The following MEI4 variants were observed in gnomAD, a reference collection of about 807,000 sequenced individuals.
MEI4 encodes the protein meiosis-specific protein MEI4.
In MEI4, 27 loss-of-function variants were observed where a neutral mutation model predicts 31.4. The observed-to-expected ratio is 0.86, with a 90% CI of 0.63 to 1.19. MEI4 has a LOEUF of 1.19. MEI4 is among the 50% of genes most tolerant of loss of function. MEI4 has a pLI of 0.00. For synonymous variants in MEI4, 122 were observed against 145.4 expected (o/e 0.84, Z 1.16); for missense variants, 329 against 398.9 (o/e 0.82, Z 1.49).
intron 4 of MEI4, among the ~76,000 whole-genome samples, chr6:77,887,828 T>A (rs1010258212): frequency 6.6e-6 from 1 of 152,168 alleles, no homozygotes; most frequent in Non-Finnish European, 1.5e-5. Context: ...TCTTAGTTGA[T>A]TGTCTCTCTA....
At chr6:77,682,969 T>C (rs1768984934) in intron 1 of MEI4, among the ~76,000 whole-genome samples, 1 of 152,230 alleles carries the variant, frequency 6.6e-6, no homozygotes, top group Non-Finnish European at 1.5e-5. Context: ...TCTCATTCCA[T>C]GGACGATGTT....
chr6:77,731,273 A>G (rs1250517671), intron 2 of MEI4, among the ~76,000 whole-genome samples: 2 of 147,320 alleles, frequency 1.4e-5, no homozygotes, highest in Admixed American at 6.8e-5. Context: ...ATTTCTCCAC[A>G]TCCTCTCCAG....
chr6:77,917,397 A>C (rs1048756373), intron 4 of MEI4, among the ~76,000 whole-genome samples: 7 of 150,896 alleles, frequency 4.6e-5, no homozygotes, highest in African/African-American at 1.7e-4. Context: ...ACAGTGTAAA[A>C]GTGTTCCTAT....
chr6:77,795,853 C>G, intron 3 of MEI4, among the ~76,000 whole-genome samples: 1 of 151,714 alleles, frequency 6.6e-6, no homozygotes, highest in East Asian at 1.9e-4. Context: ...AGAATTAATG[C>G]CAGTCATTTT....
intron 2 of MEI4, among the ~76,000 whole-genome samples, chr6:77,715,603 ACT>A (rs1766561938): frequency 6.6e-6 from 1 of 152,098 alleles, no homozygotes. Context: ...TAGATAATAG[ACT>A]CTGCAGAATC....
intron 3 of MEI4, among the ~76,000 whole-genome samples, chr6:77,798,256 T>A (rs1030343308): frequency 2.0e-5 from 3 of 151,144 alleles, no homozygotes; most frequent in Admixed American, 1.3e-4. Context: ...AAAAAATAAA[T>A]GAGAAAAAAT....
chr6:77,843,646 A>G (rs1459523878), intron 4 of MEI4, among the ~76,000 whole-genome samples: 1 of 152,056 alleles, frequency 6.6e-6, no homozygotes, highest in African/African-American at 2.4e-5. Flanking sequence ...CCAGGATGAT[A>G]ATCACTAAAA....
chr6:77,907,945 T>A (rs2127737527), intron 4 of MEI4, among the ~76,000 whole-genome samples: 1 of 152,240 alleles, frequency 6.6e-6, no homozygotes, highest in Admixed American at 6.5e-5. Context: ...CATAAATGTC[T>A]TCTTTTGAGA....
In MEI4 at chr6:77,750,347, C is replaced by T. The variant is rs142285374; in HGVS notation, c.233-10783C>T. On this transcript the variant is annotated intron_variant, in intron 2 of 4. Transcript: ENST00000684080. The stretch of plus-strand genomic sequence containing the variant: ...TGGCAAACTGGATAAAGAGTCAAGA[C>T]GCATTGGTGTGTTGTATTCAGGAGA... 1.7e-3 allele frequency among the ~76,000 whole-genome samples: 252 copies of T among 152,258 alleles called. 2 individuals are homozygous for T. Among genetic ancestry groups the T allele is most frequent in the African/African-American group, 4.6e-3 (193 of 41,548 alleles).
intron 4 of MEI4, among the ~76,000 whole-genome samples, chr6:77,863,395 G>A (rs959975052): frequency 5.3e-4 from 3 of 5,686 alleles, no homozygotes; most frequent in Admixed American, 2.2e-3. Flanking sequence ...TTAAAGGACC[G>A]ATGGAGCTGA....
chr6:77,686,875 C>CT (rs70974681), intron 1 of MEI4, among the ~76,000 whole-genome samples: 8 of 132,482 alleles, frequency 6.0e-5, no homozygotes, highest in South Asian at 2.5e-4. Context: ...GTCTGTGGCT[C>CT]TTTTTTTTTG....
intron 3 of MEI4, among the ~76,000 whole-genome samples, chr6:77,798,783 A>G (rs1381897789): frequency 2.0e-5 from 3 of 151,528 alleles, no homozygotes; most frequent in African/African-American, 7.3e-5. Flanking sequence ...GAGAATGATG[A>G]CTTCCAATTT....
At chr6:77,889,609 C>T (rs1476628856) in intron 4 of MEI4, among the ~76,000 whole-genome samples, 1 of 152,202 alleles carries the variant, frequency 6.6e-6, no homozygotes, top group East Asian at 1.9e-4. Flanking sequence ...GAAATTCAAG[C>T]TGGCTACAGA....
At chr6:77,685,888 T>A (rs986310158) in intron 1 of MEI4, among the ~76,000 whole-genome samples, 1 of 152,124 alleles carries the variant, frequency 6.6e-6, no homozygotes, top group African/African-American at 2.4e-5. Context: ...AGTGATATGG[T>A]TTTGATATTT....
chr6:77,662,431 C>T (rs908553085), intron 1 of MEI4, among the ~76,000 whole-genome samples: 2 of 151,972 alleles, frequency 1.3e-5, no homozygotes, highest in East Asian at 1.9e-4. Context: ...TGTGGGAGGC[C>T]GGATTGAAGT....
intron 3 of MEI4, among the ~76,000 whole-genome samples, chr6:77,768,716 T>A (rs1259728693): frequency 6.7e-6 from 1 of 150,038 alleles, no homozygotes; most frequent in Non-Finnish European, 1.5e-5. Context: ...AAAAAAAAAA[T>A]TACAGACAGC....
At position 77,855,911 on chromosome 6, in the gene MEI4, T is replaced by C. The variant is rs866560177; in HGVS notation, c.900+26849T>C. ...GTATTTGAGGCCATGATATGCGAGT[T>C]TAATCATTCCACATTGAATTTAAAA... On this transcript the variant is annotated intron_variant, in intron 4 of 4. Transcript: ENST00000684080. Among the ~76,000 whole-genome samples the C allele has an allele frequency of 5.5e-4, 84 of 152,250 alleles. 1 individual carries two copies. The highest frequency in any genetic ancestry group is 2.0e-3 in the African/African-American group (82 of 41,556).
intron 1 of MEI4, among the ~76,000 whole-genome samples, chr6:77,686,896 A>G (rs1001981665): frequency 3.1e-5 from 2 of 65,306 alleles, no homozygotes; most frequent in Admixed American, 1.7e-4. Context: ...TAGATGTTTC[A>G]TCAGTGATCT....
chr6:77,787,062 TACCCTGA>T (rs1561987715), intron 3 of MEI4, among the ~76,000 whole-genome samples: 1 of 152,122 alleles, frequency 6.6e-6, no homozygotes, highest in Admixed American at 6.6e-5. Flanking sequence ...TTCTCAGATG[TACCCTGA>T]GAGAAGTTCT....
Sources: gnomAD v4.1 joint callset for allele counts (sites outside exome capture counted in the v4.1 genomes callset) on GRCh38, gnomAD v4.1.1 for gene constraint, MANE v1.5 for transcripts, NCBI Gene and HGNC (gene_info 2026-07-23, HGNC 2026-07-21) for gene names.